Variants in ABLIM1 observed in about 807,000 individuals in gnomAD.
ABLIM1 encodes actin binding LIM protein 1.
ABLIM1 carries 40 observed loss-of-function variants against 107.0 expected under a neutral mutation model. The ratio of observed to expected loss-of-function variants is 0.37; its 90% confidence interval spans 0.29 to 0.49. ABLIM1 has a LOEUF of 0.49. Among genes scored for constraint, ABLIM1 ranks in the 20% least tolerant of loss-of-function variants. The probability of loss-of-function intolerance (pLI) is 0.97; values close to 1 mark genes in which losing one functional copy is unlikely to be tolerated. For synonymous variants in ABLIM1, 357 were observed against 357.3 expected, an observed-to-expected ratio of 1.00 and a Z score of 0.01; for missense variants, 857 against 1,008.5, an observed-to-expected ratio of 0.85 and a Z score of 2.04.
chr10:114,631,318 A>G (rs566386248), intron 1 of ABLIM1, among the ~76,000 whole-genome samples: 43 of 152,316 alleles, frequency 2.8e-4, no homozygotes, highest in Admixed American at 2.5e-3. Context: ...TCTCCTTGTG[A>G]TATGATGTGG....
At chr10:114,565,939 C>A (rs558004772) in intron 4 of ABLIM1, among the ~76,000 whole-genome samples, 4 of 151,646 alleles carry the variant, frequency 2.6e-5, no homozygotes, top group Non-Finnish European at 5.9e-5. Context: ...GGACTATAGG[C>A]GCCCGCCACC....
intron 1 of ABLIM1, among the ~76,000 whole-genome samples, chr10:114,616,297 G>T (rs899384863): frequency 3.3e-4 from 51 of 152,366 alleles, no homozygotes; most frequent in African/African-American, 1.1e-3. Flanking sequence ...CAGAGCAGGT[G>T]GGCAGCTTCC....
At chr10:114,607,837 T>G (rs1211757304) in intron 1 of ABLIM1, among the ~76,000 whole-genome samples, 1 of 152,196 alleles carries the variant, frequency 6.6e-6, no homozygotes, top group Non-Finnish European at 1.5e-5. Flanking sequence ...AAACGTAATG[T>G]GGGATCCTGG....
chr10:114,541,713 G>A (rs756344568), intron 6 of ABLIM1, among the ~76,000 whole-genome samples: 2 of 152,172 alleles, frequency 1.3e-5, no homozygotes, highest in East Asian at 1.9e-4. Flanking sequence ...CTCACAAAAC[G>A]GCCTTCACAG....
the ABLIM1 span, among the ~76,000 whole-genome samples, chr10:114,784,665 C>CA: frequency 7.2e-3 from 636 of 87,816 alleles, 8 homozygotes; most frequent in African/African-American, 0.015. Flanking sequence ...AGACTCACCT[C>CA]AAAAAAAAAA....
intron 1 of ABLIM1, among the ~76,000 whole-genome samples, chr10:114,648,337 T>C (rs954746153): frequency 1.3e-5 from 2 of 152,226 alleles, no homozygotes; most frequent in African/African-American, 4.8e-5. Context: ...AATGGGATAC[T>C]ATTCAGCCAT....
intron 2 of ABLIM1, among the ~76,000 whole-genome samples, chr10:114,579,952 G>A (rs1292491462): frequency 6.6e-6 from 1 of 152,086 alleles, no homozygotes; most frequent in Non-Finnish European, 1.5e-5. Context: ...ATCACATAAG[G>A]ATTATTTCAT....
rs1383221557 is a variant in ABLIM1 at position 114,433,784 on chromosome 10, CTTT to C, written c.*2473_*2475del. On this transcript the variant is annotated 3_prime_UTR_variant, in exon 23 of 23. Coordinates refer to ENST00000533213, the MANE Select transcript of ABLIM1 (RefSeq NM_002313.7). The stretch of plus-strand genomic sequence containing the variant: ...CCATTCTATGACAGACCCATGTCTT[CTTT>C]ATGTAGACCAAGGAAGAGGAATTTT... 6.6e-6 allele frequency: 1 copy of C among 152,192 alleles called. No individual in the cohort carries two copies. Among genetic ancestry groups the C allele is most frequent in the East Asian group, 1.9e-4 (1 of 5,198 alleles). 9.4% of individuals were successfully genotyped at this position (152,192 alleles called of 1,614,324 possible).
Position 114,468,400 on chromosome 10 carries a change from A to C in ABLIM1, c.1276-184T>G. On this transcript the variant is annotated intron_variant, in intron 10 of 22. Coordinates refer to ENST00000533213, the MANE Select transcript of ABLIM1 (RefSeq NM_002313.7). ...AGCGATTCTCCTGCCTCAGCCTCCC[A>C]AGTAGCTGGGACTACAGGCGCCGCC... 8 of 540,148 alleles carry C rather than the reference A, an allele frequency of 1.5e-5. No homozygotes were observed. The South Asian group carries it at 1.6e-4, about 11-fold the overall frequency. The allele number at this position is 540,148 out of a possible 1,614,324, so 33.5% of individuals were successfully genotyped here.
intron 11 of ABLIM1, among the ~76,000 whole-genome samples, chr10:114,466,871 C>T (rs1303681279): frequency 6.6e-6 from 1 of 152,154 alleles, no homozygotes; most frequent in Non-Finnish European, 1.5e-5. Context: ...GAAATTATGA[C>T]ATACGGGCCA....
intron 4 of ABLIM1, among the ~76,000 whole-genome samples, chr10:114,559,438 CAAAAAA>C (rs72456292): frequency 3.0e-4 from 15 of 49,364 alleles, no homozygotes; most frequent in East Asian, 6.3e-4. Flanking sequence ...ACTCGTCTCT[CAAAAAA>C]AAAAAAAAAA....
intron 6 of ABLIM1, among the ~76,000 whole-genome samples, chr10:114,537,944 C>T (rs2066211191): frequency 6.6e-6 from 1 of 152,210 alleles, no homozygotes; most frequent in Non-Finnish European, 1.5e-5. Context: ...GTCAGCTTCT[C>T]TTTTGCAAAT....
At chr10:114,528,137 T>C (rs955380237) in intron 6 of ABLIM1, among the ~76,000 whole-genome samples, 2 of 151,888 alleles carry the variant, frequency 1.3e-5, no homozygotes, top group African/African-American at 4.8e-5. Flanking sequence ...CGCCCGGCAA[T>C]TTTTAAATTT....
intron 4 of ABLIM1, among the ~76,000 whole-genome samples, chr10:114,560,071 G>A (rs949125092): frequency 2.6e-5 from 4 of 152,198 alleles, no homozygotes; most frequent in African/African-American, 4.8e-5. Flanking sequence ...TAATTTCTGG[G>A]AGAGCTTAAG....
At chr10:114,751,196 T>C (rs1411841275) in intron 1 of ABLIM1, among the ~76,000 whole-genome samples, 1 of 152,110 alleles carries the variant, frequency 6.6e-6, no homozygotes, top group Non-Finnish European at 1.5e-5. Context: ...CCAGAAACGT[T>C]AGGAGGCATG....
intron 4 of ABLIM1, among the ~76,000 whole-genome samples, chr10:114,560,075 G>A (rs1046139834): frequency 6.6e-6 from 1 of 152,200 alleles, no homozygotes; most frequent in African/African-American, 2.4e-5. Flanking sequence ...TTCTGGGAGA[G>A]CTTAAGAAAA....
chr10:114,484,381 GTTCTT>G (rs1271892141), intron 8 of ABLIM1, among the ~76,000 whole-genome samples: 1 of 152,124 alleles, frequency 6.6e-6, no homozygotes, highest in Admixed American at 6.5e-5. Context: ...CCACTTCACT[GTTCTT>G]TTGTTTTTTT....
intron 6 of ABLIM1, among the ~76,000 whole-genome samples, chr10:114,517,379 C>T (rs182904561): frequency 8.5e-5 from 13 of 152,254 alleles, no homozygotes; most frequent in Non-Finnish European, 1.3e-4. Context: ...AGCCACGCAG[C>T]ACCAAGGATG....
intron 6 of ABLIM1, among the ~76,000 whole-genome samples, chr10:114,530,810 A>G (rs11196778): frequency 0.19 from 29,054 of 152,258 alleles, 2,956 homozygotes; most frequent in Middle Eastern, 0.31. Context: ...CTGGGATTAT[A>G]GGCGTGAGCC....
Sources: allele counts gnomAD v4.1 joint callset (sites outside exome capture counted in the v4.1 genomes callset), GRCh38; gene constraint gnomAD v4.1.1; transcripts MANE v1.5; gene names NCBI Gene and HGNC (gene_info 2026-07-23, HGNC 2026-07-21).